The following CEP63 variants were observed in gnomAD, a reference collection of about 807,000 sequenced individuals.
The protein encoded by CEP63 is centrosomal protein 63.
In CEP63, 84 loss-of-function variants were observed where a neutral mutation model predicts 89.1. The ratio of observed to expected loss-of-function variants is 0.94; its 90% CI spans 0.79 to 1.13. The LOEUF (loss-of-function observed/expected upper bound fraction) is 1.13. Among genes scored for constraint, CEP63 ranks in the 50% most tolerant of loss-of-function variants. The pLI is 0.00. For synonymous variants in CEP63, 267 were observed against 272.5 expected (o/e 0.98, Z 0.20); for missense variants, 838 against 813.3 (o/e 1.03, Z -0.37).
At chr3:134,624,001 G>T in the CEP63 span, among the ~76,000 whole-genome samples, 1 of 152,180 alleles carries the variant, frequency 6.6e-6, no homozygotes, top group Non-Finnish European at 1.5e-5. Flanking sequence ...ACCTTTCCAA[G>T]CTTGTATATT....
chr3:134,749,815 C>T, the CEP63 span, among the ~76,000 whole-genome samples: 1 of 98,486 alleles, frequency 1.0e-5, no homozygotes, highest in Admixed American at 1.1e-4. Flanking sequence ...ATCTAGAGCC[C>T]AGAGGCTAGG....
the CEP63 span, among the ~76,000 whole-genome samples, chr3:134,644,645 C>T: frequency 6.6e-6 from 1 of 152,220 alleles, no homozygotes; most frequent in African/African-American, 2.4e-5. Context: ...AACAAGTATG[C>T]CTCTGGGGCA....
chr3:134,669,375 G>T, the CEP63 span, among the ~76,000 whole-genome samples: 2 of 152,092 alleles, frequency 1.3e-5, no homozygotes, highest in African/African-American at 4.8e-5. Context: ...ATACTGTGTT[G>T]GGGTGATGTC....
chr3:134,719,084 A>C, the CEP63 span, among the ~76,000 whole-genome samples: 1 of 152,204 alleles, frequency 6.6e-6, no homozygotes, highest in Non-Finnish European at 1.5e-5. Context: ...GAAAGCTGCT[A>C]AACTACCATA....
intron 12 of CEP63, among the ~76,000 whole-genome samples, chr3:134,557,394 T>TG (rs1310722480): frequency 6.8e-6 from 1 of 147,144 alleles, no homozygotes; most frequent in Non-Finnish European, 1.5e-5. Context: ...TTTTTTTTTT[T>TG]TTTTTTTTTT....
At chr3:134,760,506 G>A in the CEP63 span, among the ~76,000 whole-genome samples, 3 of 152,236 alleles carry the variant, frequency 2.0e-5, no homozygotes, top group South Asian at 2.1e-4. Flanking sequence ...TCTGTGTGGT[G>A]TATCCACAGA....
chr3:134,770,201 G>C, the CEP63 span, among the ~76,000 whole-genome samples: 1 of 152,138 alleles, frequency 6.6e-6, no homozygotes, highest in Admixed American at 6.5e-5. Flanking sequence ...TTGGGAAGAG[G>C]GTAACAATTC....
chr3:134,745,965 A>G, the CEP63 span, among the ~76,000 whole-genome samples: 1 of 148,890 alleles, frequency 6.7e-6, no homozygotes. Flanking sequence ...TGTGCACAAC[A>G]TGCAGTTTTG....
chr3:134,723,104 G>T, the CEP63 span, among the ~76,000 whole-genome samples: 2 of 152,186 alleles, frequency 1.3e-5, no homozygotes, highest in Admixed American at 6.5e-5. Context: ...ATGGCTGCTG[G>T]CTTCACTCAT....
chr3:134,725,458 A>C, the CEP63 span, among the ~76,000 whole-genome samples: 15 of 152,260 alleles, frequency 9.9e-5, no homozygotes, highest in African/African-American at 3.4e-4. Flanking sequence ...TCCCCACCGA[A>C]GGGGCAGGGC....
chr3:134,547,413 G>A lies in CEP63; in HGVS notation c.1008G>A (p.Leu336=), dbSNP rs941741578. Residue 336 remains leucine, a synonymous_variant, in exon 9 of 15, where the codon TTG becomes TTA. Transcript: ENST00000675561. ...QGDLDSVLSQ[L]NFTHTSEDLL... Reference sequence around the variant, plus strand: ...ACTTAGACAGTGTGCTCTCCCAGTTGAATTTTACCCATACTAGTGAGGACC... The same window carrying A: ...ACTTAGACAGTGTGCTCTCCCAGTTAAATTTTACCCATACTAGTGAGGACC... The A allele has an allele frequency of 9.3e-6, 15 of 1,613,754 alleles. No individual in the cohort carries two copies. In the East Asian group the frequency reaches 3.1e-4, roughly 34 times the overall value.
chr3:134,576,546 G>T (rs1046022042), downstream of CEP63, among the ~76,000 whole-genome samples: 1 of 152,236 alleles, frequency 6.6e-6, no homozygotes, highest in African/African-American at 2.4e-5. Context: ...GAGACTGAGA[G>T]CGGAGAGGTA....
At chr3:134,557,709 C>T (rs1303682007) in intron 12 of CEP63, among the ~76,000 whole-genome samples, 1 of 152,130 alleles carries the variant, frequency 6.6e-6, no homozygotes. Flanking sequence ...TTGTCCCTGC[C>T]AGCCAGAAGA....
chr3:134,503,654 T>C (rs1050023300), intron 2 of CEP63, among the ~76,000 whole-genome samples: 2 of 152,158 alleles, frequency 1.3e-5, no homozygotes, highest in African/African-American at 2.4e-5. Context: ...TCTTTAGCTC[T>C]AATAATATTT....
chr3:134,650,746 G>A, the CEP63 span: 1 of 1,318,342 alleles, frequency 7.6e-7, no homozygotes, highest in East Asian at 2.7e-5. Context: ...AGCAATGGGC[G>A]CCCCCCGGCG....
the CEP63 span, among the ~76,000 whole-genome samples, chr3:134,696,027 C>G: frequency 2.0e-5 from 3 of 152,204 alleles, no homozygotes; most frequent in African/African-American, 7.2e-5. Flanking sequence ...TTCTCCCTTG[C>G]CCATCAGACA....
chr3:134,750,927 A>G, the CEP63 span, among the ~76,000 whole-genome samples: 1 of 152,244 alleles, frequency 6.6e-6, no homozygotes, highest in African/African-American at 2.4e-5. Flanking sequence ...TGGATTTCCT[A>G]TGGATTCACA....
the CEP63 span, among the ~76,000 whole-genome samples, chr3:134,665,245 C>T: frequency 1.3e-5 from 2 of 152,302 alleles, no homozygotes; most frequent in South Asian, 2.1e-4. Flanking sequence ...TCAGGGCTGG[C>T]CTGGTGTCCA....
At chr3:134,707,533 G>C in the CEP63 span, among the ~76,000 whole-genome samples, 1 of 152,068 alleles carries the variant, frequency 6.6e-6, no homozygotes, top group African/African-American at 2.4e-5. Flanking sequence ...TATTTCATTG[G>C]AATCAGCTCT....
Sources: allele counts gnomAD v4.1 joint callset (sites outside exome capture counted in the v4.1 genomes callset), GRCh38; gene constraint gnomAD v4.1.1; transcripts MANE v1.5; gene names NCBI Gene and HGNC (gene_info 2026-07-23, HGNC 2026-07-21).